The following LRRC7 variants were observed in gnomAD, a reference collection of about 807,000 sequenced individuals.
LRRC7 encodes the protein leucine rich repeat containing 7.
Under a neutral mutation model 175.7 loss-of-function variants are expected in LRRC7, and 23 were observed. The observed-to-expected ratio is 0.13, with a 90% CI of 0.09 to 0.19. The LOEUF is 0.19. LRRC7 is among the 10% of genes least tolerant of loss of function. The pLI, the probability that LRRC7 is intolerant of heterozygous loss-of-function variation, is 1.00. For synonymous variants in LRRC7, 685 were observed against 680.9 expected, an observed-to-expected ratio of 1.01 and a Z score of -0.09; for missense variants, 1,354 against 1,904.7, an observed-to-expected ratio of 0.71 and a Z score of 5.38.
intron 11 of LRRC7, among the ~76,000 whole-genome samples, chr1:70,002,342 TGCCAAAGGTCATTAATA>T (rs1310825561): frequency 6.6e-6 from 1 of 152,174 alleles, no homozygotes; most frequent in Non-Finnish European, 1.5e-5. Context: ...TGAAGTGACT[TGCCAAAGGTCATTAATA>T]GCTATGACAT....
At chr1:70,040,936 G>A (rs1339357147) in intron 21 of LRRC7, among the ~76,000 whole-genome samples, 2 of 152,188 alleles carry the variant, frequency 1.3e-5, no homozygotes, top group Non-Finnish European at 2.9e-5. Flanking sequence ...CTCTCTAAGA[G>A]AAACCTGTAC....
intron 7 of LRRC7, among the ~76,000 whole-genome samples, chr1:69,902,380 G>A (rs1646159586): frequency 6.6e-6 from 1 of 152,076 alleles, no homozygotes; most frequent in East Asian, 1.9e-4. Flanking sequence ...GACCAGCCTG[G>A]GCAACGTGGT....
At chr1:69,718,890 C>T (rs1033201384) in intron 2 of LRRC7, among the ~76,000 whole-genome samples, 1 of 151,740 alleles carries the variant, frequency 6.6e-6, no homozygotes, top group Non-Finnish European at 1.5e-5. Flanking sequence ...AATTGGGAGC[C>T]CCAACAGAGC....
chr1:69,710,717 G>C (rs1352938001), intron 2 of LRRC7, among the ~76,000 whole-genome samples: 1 of 152,008 alleles, frequency 6.6e-6, no homozygotes, highest in African/African-American at 2.4e-5. Context: ...GTACTGAGTG[G>C]CCCTCTTCCG....
chr1:69,686,309 G>A (rs908946666), intron 2 of LRRC7, among the ~76,000 whole-genome samples: 2 of 152,096 alleles, frequency 1.3e-5, no homozygotes, highest in African/African-American at 4.8e-5. Flanking sequence ...GTACCTTCAG[G>A]AAGTAAAGAA....
intron 1 of LRRC7, among the ~76,000 whole-genome samples, chr1:69,571,012 T>A (rs1442906883): frequency 2.0e-5 from 3 of 152,224 alleles, no homozygotes; most frequent in Non-Finnish European, 2.9e-5. Flanking sequence ...TCCATCTTAG[T>A]AGGCTAAAGT....
chr1:69,979,438 A>G (rs1470667189), intron 8 of LRRC7, among the ~76,000 whole-genome samples: 1 of 152,222 alleles, frequency 6.6e-6, no homozygotes, highest in African/African-American at 2.4e-5. Flanking sequence ...TTAGAGAAAG[A>G]AAGTGTTTCT....
At chr1:69,827,592 G>C (rs1680067201) in intron 5 of LRRC7, among the ~76,000 whole-genome samples, 1 of 152,046 alleles carries the variant, frequency 6.6e-6, no homozygotes, top group South Asian at 2.1e-4. Flanking sequence ...GCTCACACCT[G>C]TGATCCCAAC....
intron 7 of LRRC7, among the ~76,000 whole-genome samples, chr1:69,894,955 C>T (rs1361134089): frequency 2.0e-5 from 3 of 152,102 alleles, no homozygotes; most frequent in Non-Finnish European, 4.4e-5. Context: ...GGCCGGGGGG[C>T]GTGGCTCACA....
At chr1:69,975,295 A>G (rs558906842) in intron 8 of LRRC7, among the ~76,000 whole-genome samples, 1 of 152,174 alleles carries the variant, frequency 6.6e-6, no homozygotes, top group Non-Finnish European at 1.5e-5. Flanking sequence ...ATCCTCACCC[A>G]CCTACACACC....
intron 1 of LRRC7, among the ~76,000 whole-genome samples, chr1:69,603,221 A>G (rs1647152125): frequency 2.6e-5 from 4 of 152,166 alleles, no homozygotes. Context: ...TAAAAACCCT[A>G]TTCCCAAATA....
At position 70,089,830 on chromosome 1, in the gene LRRC7, A is replaced by G. The variant is rs1663889055; in HGVS notation, c.4545+11A>G. 1 of 1,534,290 alleles carries G rather than the reference A, an allele frequency of 6.5e-7. No individual in the cohort carries two copies. Among genetic ancestry groups the G allele is most frequent in the African/African-American group, 1.4e-5 (1 of 73,162 alleles). On this transcript the variant is annotated intron_variant, in intron 25 of 26. Transcript: ENST00000651989. Reference sequence around the variant, plus strand: ...AAACCTTCTGACAAGGTAAGAAATGAATATCTTGTTGACAATATTAATTAG... The same window carrying G: ...AAACCTTCTGACAAGGTAAGAAATGGATATCTTGTTGACAATATTAATTAG...
chr1:69,863,530 T>C (rs887115009), intron 7 of LRRC7, among the ~76,000 whole-genome samples: 1 of 152,212 alleles, frequency 6.6e-6, no homozygotes, highest in African/African-American at 2.4e-5. Flanking sequence ...AATATACTTA[T>C]TAGACATTTC....
At chr1:69,708,406 C>G (rs147027960) in intron 2 of LRRC7, among the ~76,000 whole-genome samples, 1 of 152,118 alleles carries the variant, frequency 6.6e-6, no homozygotes, top group African/African-American at 2.4e-5. Flanking sequence ...TACTGACCAT[C>G]GAGTTCCTTA....
At chr1:69,791,425 C>G (rs1000443368) in intron 3 of LRRC7, among the ~76,000 whole-genome samples, 1 of 151,988 alleles carries the variant, frequency 6.6e-6, no homozygotes, top group African/African-American at 2.4e-5. Context: ...TACTTTAACA[C>G]TTGGCTCTTT....
At chr1:69,579,249 G>A (rs1008654334) in intron 1 of LRRC7, among the ~76,000 whole-genome samples, 2 of 152,074 alleles carry the variant, frequency 1.3e-5, no homozygotes, top group African/African-American at 2.4e-5. Context: ...TTCTGGATGT[G>A]AGTCAAGTTA....
chr1:69,918,799 A>T (rs1048054951), intron 7 of LRRC7, among the ~76,000 whole-genome samples: 1 of 152,194 alleles, frequency 6.6e-6, no homozygotes, highest in Non-Finnish European at 1.5e-5. Context: ...ATAAAATGAG[A>T]TAAAATTAAA....
chr1:70,021,324 A>G, intron 16 of LRRC7, 195 bp downstream of exon 16: 1 of 441,018 alleles, frequency 2.3e-6, no homozygotes, highest in South Asian at 3.0e-5. Context: ...AATCTGAGTG[A>G]GCAAATTTGA....
At chr1:69,583,014 C>A (rs1368525046) in intron 1 of LRRC7, among the ~76,000 whole-genome samples, 1 of 152,002 alleles carries the variant, frequency 6.6e-6, no homozygotes, top group Non-Finnish European at 1.5e-5. Flanking sequence ...TATCTAATAT[C>A]TAAACAAATC....
Sources: gnomAD v4.1 joint callset for allele counts (sites outside exome capture counted in the v4.1 genomes callset) on GRCh38, gnomAD v4.1.1 for gene constraint, MANE v1.5 for transcripts, NCBI Gene and HGNC (gene_info 2026-07-23, HGNC 2026-07-21) for gene names.